GRIK2: variants seen among roughly 807,000 people sequenced by gnomAD.
The protein encoded by GRIK2 is glutamate receptor ionotropic, kainate 2.
Under a neutral mutation model 100.3 loss-of-function variants are expected in GRIK2, and 32 were observed. That is an observed-to-expected ratio of 0.32 (90% confidence interval 0.24 to 0.43). The LOEUF (loss-of-function observed/expected upper bound fraction) is 0.43, where lower values mean the gene tolerates loss of function less well. Ranked by LOEUF, GRIK2 falls within the 20% of genes least tolerant of loss-of-function variation. The pLI is 1.00. For synonymous variants in GRIK2, 417 were observed against 389.4 expected (o/e 1.07, Z -0.83); for missense variants, 843 against 1,114.9 (o/e 0.76, Z 3.47).
intron 2 of GRIK2, among the ~76,000 whole-genome samples, chr6:101,559,728 A>G (rs1371591483): frequency 6.6e-6 from 1 of 152,064 alleles, no homozygotes; most frequent in African/African-American, 2.4e-5. Context: ...GATTTCCTTG[A>G]GTCTCTTTCC....
chr6:101,526,358 T>C (rs1775156266), intron 2 of GRIK2, among the ~76,000 whole-genome samples: 1 of 152,194 alleles, frequency 6.6e-6, no homozygotes. Flanking sequence ...TAGGCTAGAA[T>C]TGCTAATAAT....
intron 7 of GRIK2, among the ~76,000 whole-genome samples, chr6:101,774,837 G>A (rs62419277): frequency 0.047 from 7,039 of 150,218 alleles, 222 homozygotes; most frequent in Non-Finnish European, 0.072. Context: ...TTCTGCTTGC[G>A]GAATGGTACA....
At chr6:102,024,842 TAA>T (rs1769609896) in intron 14 of GRIK2, among the ~76,000 whole-genome samples, 1 of 150,826 alleles carries the variant, frequency 6.6e-6, no homozygotes, top group Non-Finnish European at 1.5e-5. Context: ...ATGAGAAAAA[TAA>T]GTACAAGTCT....
chr6:101,914,681 C>T (rs1265724847), intron 12 of GRIK2, among the ~76,000 whole-genome samples: 1 of 151,450 alleles, frequency 6.6e-6, no homozygotes, highest in Non-Finnish European at 1.5e-5. Flanking sequence ...ATAGTGCTAA[C>T]TAGCTAATAT....
chr6:101,963,509 C>CTTTTTTTTTTT (rs770178884), intron 14 of GRIK2, among the ~76,000 whole-genome samples: 297 of 106,078 alleles, frequency 2.8e-3, no homozygotes, highest in Middle Eastern at 6.8e-3. Context: ...TTCTTTCTTT[C>CTTTTTTTTTTT]TTTTTTTTTT....
chr6:101,447,351 C>T (rs961827552), intron 2 of GRIK2, among the ~76,000 whole-genome samples: 1 of 151,604 alleles, frequency 6.6e-6, no homozygotes, highest in Admixed American at 6.6e-5. Flanking sequence ...TAGAATCTGA[C>T]CCAGTAATTC....
intron 14 of GRIK2, among the ~76,000 whole-genome samples, chr6:101,992,179 G>A (rs1794413489): frequency 1.3e-5 from 2 of 151,526 alleles, no homozygotes; most frequent in Admixed American, 1.3e-4. Context: ...GTCAGTTGCA[G>A]AAATCATCTG....
intron 4 of GRIK2, among the ~76,000 whole-genome samples, chr6:101,650,428 A>T (rs1212015793): frequency 2.6e-5 from 4 of 152,076 alleles, no homozygotes; most frequent in Non-Finnish European, 5.9e-5. Context: ...AAGTCTCCAA[A>T]TTCCCCTGTC....
intron 7 of GRIK2, among the ~76,000 whole-genome samples, chr6:101,780,840 C>T (rs570536110): frequency 6.6e-6 from 1 of 152,210 alleles, no homozygotes; most frequent in East Asian, 1.9e-4. Flanking sequence ...GGGCCTTTGC[C>T]CTTTGAAAAC....
chr6:101,824,166 T>C (rs539118963), intron 10 of GRIK2, among the ~76,000 whole-genome samples: 64 of 152,198 alleles, frequency 4.2e-4, no homozygotes, highest in African/African-American at 1.5e-3. Flanking sequence ...ATTACAGGTG[T>C]GAGCCACCAT....
At chr6:101,722,980 A>G (rs942666) in intron 7 of GRIK2, among the ~76,000 whole-genome samples, 41,473 of 151,918 alleles carry the variant, frequency 0.27, 8,139 homozygotes, top group African/African-American at 0.54. Flanking sequence ...CATTTTAAAA[A>G]CATCATATTT....
intron 4 of GRIK2, among the ~76,000 whole-genome samples, chr6:101,632,335 C>T (rs1780789637): frequency 6.6e-6 from 1 of 152,076 alleles, no homozygotes; most frequent in South Asian, 2.1e-4. Flanking sequence ...GCAGGGTGAA[C>T]CCTAAGGCTG....
chr6:101,953,905 A>G (rs1304509559), intron 14 of GRIK2, among the ~76,000 whole-genome samples: 1 of 152,094 alleles, frequency 6.6e-6, no homozygotes, highest in Admixed American at 6.5e-5. Flanking sequence ...ATTTAGTTCT[A>G]CAATTCACTT....
intron 14 of GRIK2, among the ~76,000 whole-genome samples, chr6:102,000,448 G>GT (rs1196035720): frequency 1.3e-5 from 2 of 151,864 alleles, no homozygotes; most frequent in African/African-American, 4.8e-5. Context: ...GTAGTCCACA[G>GT]TGCCTATTGT....
At chr6:101,592,790 A>G (rs1334749738) in intron 2 of GRIK2, among the ~76,000 whole-genome samples, 4 of 151,188 alleles carry the variant, frequency 2.6e-5, no homozygotes, top group African/African-American at 9.7e-5. Flanking sequence ...TAAAACACTT[A>G]ATTTTTAATG....
intron 16 of GRIK2, among the ~76,000 whole-genome samples, chr6:102,062,494 G>C (rs1771802931): frequency 1.6e-5 from 2 of 126,320 alleles, no homozygotes; most frequent in South Asian, 4.6e-4. Context: ...ATTTTTTCTA[G>C]CTATAAAACT....
chr6:101,417,066 T>C (rs886820970), intron 2 of GRIK2, among the ~76,000 whole-genome samples: 1 of 152,218 alleles, frequency 6.6e-6, no homozygotes, highest in Non-Finnish European at 1.5e-5. Context: ...CAGTTCCACA[T>C]GGCTAGGGAG....
chr6:101,489,732 A>G (rs150048140), intron 2 of GRIK2, among the ~76,000 whole-genome samples: 1 of 146,494 alleles, frequency 6.8e-6, no homozygotes, highest in Non-Finnish European at 1.5e-5. Context: ...AGGACTCCAG[A>G]TAAGCTGAAA....
intron 14 of GRIK2, among the ~76,000 whole-genome samples, chr6:101,952,392 T>TG (rs1791654802): frequency 6.6e-6 from 1 of 152,194 alleles, no homozygotes; most frequent in Admixed American, 6.5e-5. Context: ...TGAATATCCA[T>TG]GTACAGGTTT....
Sources: gnomAD v4.1 joint callset for allele counts (sites outside exome capture counted in the v4.1 genomes callset) on GRCh38, gnomAD v4.1.1 for gene constraint, MANE v1.5 for transcripts, NCBI Gene and HGNC (gene_info 2026-07-23, HGNC 2026-07-21) for gene names.